The following RORA variants were observed in gnomAD, a reference collection of about 807,000 sequenced individuals.
RORA encodes nuclear receptor ROR-alpha.
RORA carries 7 observed loss-of-function variants against 69.5 expected under a neutral mutation model. The observed-to-expected ratio is 0.10, with a 90% CI of 0.06 to 0.19. The LOEUF (loss-of-function observed/expected upper bound fraction) is 0.19. Among genes scored for constraint, RORA ranks in the 10% least tolerant of loss-of-function variants. RORA has a pLI of 1.00. For missense variants in RORA, 457 were observed against 663.0 expected (o/e 0.69, Z 3.41); for synonymous variants, 261 against 240.8 (o/e 1.08, Z -0.78).
At chr15:60,961,805 T>C (rs11854200) in intron 1 of RORA, among the ~76,000 whole-genome samples, 2,514 of 152,324 alleles carry the variant, frequency 0.017, 53 homozygotes, top group African/African-American at 0.058. Context: ...ACACAGATTG[T>C]ATAGCTGAAT....
intron 1 of RORA, among the ~76,000 whole-genome samples, chr15:61,120,692 C>T (rs1377018411): frequency 7.6e-6 from 1 of 132,330 alleles, no homozygotes; most frequent in Non-Finnish European, 1.6e-5. Context: ...TAGAGCAAGA[C>T]TCTGTCTCAA....
intron 1 of RORA, among the ~76,000 whole-genome samples, chr15:60,687,416 C>A (rs1279535248): frequency 6.6e-6 from 1 of 152,148 alleles, no homozygotes; most frequent in East Asian, 1.9e-4. Context: ...CTCTACTCCC[C>A]TCTGATTACA....
chr15:60,829,916 C>G (rs1394900805), intron 1 of RORA, among the ~76,000 whole-genome samples: 1 of 152,162 alleles, frequency 6.6e-6, no homozygotes, highest in African/African-American at 2.4e-5. Context: ...TCATGGTGAC[C>G]TAGGCTTTAC....
At chr15:60,635,607 C>G (rs1025847524) in intron 2 of RORA, among the ~76,000 whole-genome samples, 1 of 152,090 alleles carries the variant, frequency 6.6e-6, no homozygotes, top group African/African-American at 2.4e-5. Flanking sequence ...AAATGGAACT[C>G]CAAGATGTAA....
intron 1 of RORA, among the ~76,000 whole-genome samples, chr15:60,991,556 TGAAAAAAGTTTAAAAGTAGTAAA>T (rs1226875181): frequency 1.4e-5 from 1 of 69,422 alleles, no homozygotes; most frequent in African/African-American, 8.3e-5. Flanking sequence ...GCTCAAAAGA[TGAAAAAAGTTTAAAAGTAGTAAA>T]GTTTTAAAAA....
At chr15:60,739,349 G>A (rs1244009976) in intron 1 of RORA, among the ~76,000 whole-genome samples, 2 of 152,102 alleles carry the variant, frequency 1.3e-5, no homozygotes, top group Non-Finnish European at 2.9e-5. Context: ...CAGGTGGGTG[G>A]ATCACTTGAA....
chr15:61,013,779 CTTTTTTTTTTTT>C (rs3053960), intron 1 of RORA, among the ~76,000 whole-genome samples: 2 of 70,934 alleles, frequency 2.8e-5, no homozygotes, highest in South Asian at 7.2e-4. Context: ...ACTGGGTTGG[CTTTTTTTTTTTT>C]TTTTTTTTTT....
In RORA at chr15:61,044,683, G is replaced by T. The variant is rs146026658; in HGVS notation, c.166+184370C>A. ...CTGTGTCTGTGCTTATCATATATAC[G>T]CTATATTTCCACTGGACAGCACTGT... is the stretch of plus-strand genomic sequence containing the variant. On this transcript the variant is annotated intron_variant, in intron 1 of 10. Transcript: ENST00000335670. Among the ~76,000 whole-genome samples the T allele has an allele frequency of 2.6e-5, 4 of 152,040 alleles. No homozygotes were observed. The East Asian group carries it at 7.7e-4, about 29-fold the overall frequency.
rs1161592277 is a variant in RORA at position 60,708,432 on chromosome 15, AG to A, written c.167-29747del. 2.5e-4 allele frequency among the ~76,000 whole-genome samples: 38 copies of A among 151,410 alleles called. 1 individual carries two copies. The South Asian group carries it at 8.0e-3, about 32-fold the overall frequency. Reference sequence around the variant, plus strand: ...GACTCCGTCTCAAAAAAAAAAAAAAAGGAAAAAAAAATGTTACCAACATCAC... The same window carrying A: ...GACTCCGTCTCAAAAAAAAAAAAAAAGAAAAAAAAATGTTACCAACATCAC... On this transcript the variant is annotated intron_variant, in intron 1 of 10. Transcript: ENST00000335670.
intron 1 of RORA, among the ~76,000 whole-genome samples, chr15:61,151,037 T>C (rs940931658): frequency 8.5e-5 from 13 of 152,240 alleles, no homozygotes; most frequent in African/African-American, 2.9e-4. Context: ...AGCAAGTAAG[T>C]TGCACACATG....
intron 1 of RORA, among the ~76,000 whole-genome samples, chr15:60,820,454 C>A (rs12899389): frequency 0.15 from 23,478 of 152,058 alleles, 2,093 homozygotes; most frequent in East Asian, 0.28. Context: ...CTTGATTAAA[C>A]CTTCTATATT....
chr15:61,121,118 G>A (rs1486533573), intron 1 of RORA, among the ~76,000 whole-genome samples: 2 of 152,110 alleles, frequency 1.3e-5, no homozygotes, highest in Non-Finnish European at 2.9e-5. Flanking sequence ...CCAAAGTGCT[G>A]GGGTTACAGA....
chr15:60,851,027 T>C lies in RORA; in HGVS notation c.167-172341A>G, dbSNP rs967204529. Among the ~76,000 whole-genome samples, 5 of 152,130 alleles carry C rather than the reference T, an allele frequency of 3.3e-5. 1 individual carries two copies. The South Asian group carries it at 8.3e-4, about 25-fold the overall frequency. ...TTCAGTCTGTTGCTGAGTGAGTGGG[T>C]GTGAAGATGCAGTACAAACAAAAGT... On this transcript the variant is annotated intron_variant, in intron 1 of 10. Transcript: ENST00000335670.
intron 1 of RORA, among the ~76,000 whole-genome samples, chr15:61,090,143 T>A (rs1315120487): frequency 6.6e-6 from 1 of 152,202 alleles, no homozygotes; most frequent in African/African-American, 2.4e-5. Flanking sequence ...TAGAGTGGGG[T>A]AAAGTGAGGA....
chr15:61,221,048 T>C (rs2080090947), intron 1 of RORA, among the ~76,000 whole-genome samples: 1 of 152,210 alleles, frequency 6.6e-6, no homozygotes, highest in South Asian at 2.1e-4. Flanking sequence ...CTTTAGCTTC[T>C]GGTTCTCCTT....
chr15:60,889,066 A>G (rs569408573), intron 1 of RORA, among the ~76,000 whole-genome samples: 63 of 152,174 alleles, frequency 4.1e-4, no homozygotes, highest in Non-Finnish European at 7.9e-4. Flanking sequence ...ACCTCTCCTG[A>G]CCCTTCTCTG....
At chr15:60,592,460 A>AC in intron 2 of RORA, 1 of 1,380,816 alleles carries the variant, frequency 7.2e-7, no homozygotes, top group Non-Finnish European at 9.4e-7. Context: ...GGATGGTCCG[A>AC]CCCCGGAGCC....
In RORA at chr15:60,511,445, T is replaced by C; in HGVS notation, c.601A>G (p.Ser201Gly). The C allele has an allele frequency of 6.2e-7, 1 of 1,614,176 alleles. No homozygotes were observed. The highest frequency in any genetic ancestry group is 8.5e-7 in the Non-Finnish European group (1 of 1,180,016). Reference protein sequence around the residue: ...NGLTELHDDLSNYIDGHTPEG... With the variant: ...NGLTELHDDLGNYIDGHTPEG... ...GGGGTGTGCCCGTCAATGTAGTTACTGAGGTCGTCGTGAAGTTCCGTCAGC... is the reference window on the plus strand; with the variant it reads ...GGGGTGTGCCCGTCAATGTAGTTACCGAGGTCGTCGTGAAGTTCCGTCAGC... The change falls in exon 5 of 11, where the codon AGT becomes GGT. Residue 201 changes from serine to glycine, a missense_variant. By Grantham distance (56) the Ser-to-Gly change is moderately conservative. Coordinates refer to ENST00000335670, the MANE Select transcript of RORA (RefSeq NM_134261.3). This position sits in a 1 kb window ranked among gnomAD's most constrained non-coding sequence, Gnocchi z 6.4.
intron 1 of RORA, among the ~76,000 whole-genome samples, chr15:60,838,853 C>T (rs1430312107): frequency 8.5e-5 from 7 of 82,692 alleles, no homozygotes; most frequent in Non-Finnish European, 1.8e-4. Flanking sequence ...AACACACACA[C>T]ACACACACAC....
Sources: gnomAD v4.1 joint callset for allele counts (sites outside exome capture counted in the v4.1 genomes callset) on GRCh38, gnomAD v4.1.1 for gene constraint, Gnocchi (gnomAD v3.1) non-coding constraint, MANE v1.5 for transcripts, NCBI Gene and HGNC (gene_info 2026-07-23, HGNC 2026-07-21) for gene names.